RASSF3: variants seen among roughly 807,000 people sequenced by gnomAD.
RASSF3 encodes ras association domain-containing protein 3.
In RASSF3, 19 loss-of-function variants were observed where a neutral mutation model predicts 19.9. The ratio of observed to expected loss-of-function variants is 0.96; its 90% CI spans 0.67 to 1.40. RASSF3 has a LOEUF of 1.40. Ranked by LOEUF, RASSF3 falls within the 40% of genes most tolerant of loss-of-function variation. RASSF3 has a pLI of 0.00. For missense variants in RASSF3, 306 were observed against 289.8 expected, an observed-to-expected ratio of 1.06 and a Z score of -0.41; for synonymous variants, 110 against 104.2, an observed-to-expected ratio of 1.06 and a Z score of -0.34.
rs1341593399 is a variant in RASSF3, at chr12:64,688,296, A to C, written c.300A>C (p.Gly100=). ...CKPPQTSPNS[G]KLSPSSNGCM... is the part of the protein sequence containing the mutation. ...CTCCACAGACTTCTCCAAATTCTGGAAAACTCTCTCCCAGTAGCAATGGCT... is the reference window on the plus strand; with the variant it reads ...CTCCACAGACTTCTCCAAATTCTGGCAAACTCTCTCCCAGTAGCAATGGCT... The change falls in exon 3 of 5, where the codon GGA becomes GGC. Residue 100 remains glycine (G), a synonymous_variant. Transcript: ENST00000542104. 6.2e-7 allele frequency: 1 copy of C among 1,614,030 alleles called. No individual in the cohort carries two copies. Among genetic ancestry groups the C allele is most frequent in the Admixed American group, 1.7e-5 (1 of 59,998 alleles).
At chr12:64,650,706 C>T (rs916175744) in intron 1 of RASSF3, among the ~76,000 whole-genome samples, 2 of 151,988 alleles carry the variant, frequency 1.3e-5, no homozygotes, top group African/African-American at 2.4e-5. Context: ...TGAGCCACCG[C>T]GCCTGGCCGA....
intron 1 of RASSF3, among the ~76,000 whole-genome samples, chr12:64,641,400 G>GACACACACACACACACACA (rs1871512686): frequency 9.4e-6 from 1 of 106,814 alleles, no homozygotes; most frequent in Non-Finnish European, 2.3e-5. Flanking sequence ...TGTCTCACAG[G>GACACACACACACACACACA]CGCACACACA....
At chr12:64,672,546 T>G (rs1002195947) in intron 1 of RASSF3, among the ~76,000 whole-genome samples, 2 of 152,112 alleles carry the variant, frequency 1.3e-5, no homozygotes, top group Admixed American at 6.6e-5. Flanking sequence ...TTTTGAGAGA[T>G]AGGATCTTGC....
At chr12:64,676,773 T>C (rs1872921929) in intron 1 of RASSF3, among the ~76,000 whole-genome samples, 1 of 137,274 alleles carries the variant, frequency 7.3e-6, no homozygotes, top group Non-Finnish European at 1.6e-5. Flanking sequence ...ACCTGGCCAC[T>C]TTTTTTTTTT....
intron 3 of RASSF3, 120 bp from the exon 4 acceptor site, chr12:64,691,350 C>T (rs1868277086): frequency 1.6e-5 from 11 of 680,832 alleles, no homozygotes; most frequent in South Asian, 8.0e-5. Context: ...AGCCGACTGG[C>T]GACTTAGAGG....
At chr12:64,535,044 T>C (rs1202441995) in intron 1 of RASSF3, among the ~76,000 whole-genome samples, 1 of 151,764 alleles carries the variant, frequency 6.6e-6, no homozygotes, top group South Asian at 2.1e-4. Context: ...GCTGTGTCAT[T>C]GATGATAAAA....
At chr12:64,527,364 T>C (rs569642599) in intron 1 of RASSF3, among the ~76,000 whole-genome samples, 2 of 152,338 alleles carry the variant, frequency 1.3e-5, no homozygotes, top group African/African-American at 4.8e-5. Flanking sequence ...CGACAGTACC[T>C]ATTCCTTGGG....
chr12:64,579,643 G>C (rs1204913536), intron 2 of RASSF3, among the ~76,000 whole-genome samples: 2 of 151,966 alleles, frequency 1.3e-5, no homozygotes, highest in Non-Finnish European at 2.9e-5. Flanking sequence ...GAGCCACCGC[G>C]CCCGGCCAGC....
intron 1 of RASSF3, among the ~76,000 whole-genome samples, chr12:64,683,815 A>G (rs1374323598): frequency 6.6e-6 from 1 of 152,200 alleles, no homozygotes; most frequent in Admixed American, 6.5e-5. Flanking sequence ...TAGCAATGAC[A>G]GTTTTGCAGA....
intron 1 of RASSF3, among the ~76,000 whole-genome samples, chr12:64,673,251 A>T (rs771352548): frequency 6.6e-6 from 1 of 152,168 alleles, no homozygotes; most frequent in African/African-American, 2.4e-5. Flanking sequence ...CGCCTTGAAC[A>T]GTGAGATGTT....
At position 64,661,272 on chromosome 12, in the gene RASSF3, C is replaced by T. The variant is rs1281964072; in HGVS notation, c.112-23515C>T. On this transcript the variant is annotated intron_variant, in intron 1 of 4. Transcript: ENST00000542104. The stretch of plus-strand genomic sequence containing the variant: ...CTGTAATCCCAGCACTTTGGGAGGC[C>T]AAGGCGGGAGGATCACTTGAGCCCA... Among the ~76,000 whole-genome samples the T allele has an allele frequency of 2.0e-5, 3 of 152,046 alleles. No individual in the cohort carries two copies. The East Asian group carries it at 5.8e-4, about 29-fold the overall frequency.
At position 64,583,491 on chromosome 12, in the gene RASSF3, G is replaced by A. The variant is rs990138517; in HGVS notation, c.294+41786G>A. ...ACAAAAATTAGCCAGGCATGGTAGC[G>A]TGCGCCTGTAGTTCCAGCTACTTGG... On this transcript the variant is annotated intron_variant, in intron 2 of 5. Transcript: ENST00000637125. Among the ~76,000 whole-genome samples the A allele has an allele frequency of 5.5e-4, 83 of 152,152 alleles. 1 individual carries two copies. The highest frequency in any genetic ancestry group is 2.0e-4 in the Admixed American group (3 of 15,268).
intron 1 of RASSF3, among the ~76,000 whole-genome samples, chr12:64,638,845 C>T (rs921728107): frequency 1.3e-5 from 2 of 149,892 alleles, no homozygotes; most frequent in African/African-American, 2.5e-5. Flanking sequence ...TGTTCTAGTT[C>T]CTTCTTCTGA....
intron 1 of RASSF3, among the ~76,000 whole-genome samples, chr12:64,515,126 T>G (rs1179290967): frequency 2.0e-5 from 3 of 152,076 alleles, no homozygotes; most frequent in Non-Finnish European, 2.9e-5. Flanking sequence ...CTGCAATCTC[T>G]GCTCACTGCA....
At chr12:64,544,292 C>G (rs138603668), downstream of RASSF3, among the ~76,000 whole-genome samples, 158 of 152,226 alleles carry the variant, frequency 1.0e-3, no homozygotes, top group African/African-American at 3.7e-3. Context: ...CTCACACTCA[C>G]TTCGAAGGTC....
At chr12:64,602,376 C>G (rs569400889) in intron 2 of RASSF3, among the ~76,000 whole-genome samples, 1 of 150,660 alleles carries the variant, frequency 6.6e-6, no homozygotes, top group Non-Finnish European at 1.5e-5. Context: ...GTCAGGAGAT[C>G]GAGACCATCC....
intron 1 of RASSF3, among the ~76,000 whole-genome samples, chr12:64,651,311 G>A (rs181878609): frequency 2.6e-5 from 4 of 152,232 alleles, no homozygotes; most frequent in East Asian, 3.9e-4. Flanking sequence ...CTGGAGATGC[G>A]TATGTTAACA....
intron 1 of RASSF3, among the ~76,000 whole-genome samples, chr12:64,653,282 A>G (rs1816441339): frequency 6.6e-6 from 1 of 151,926 alleles, no homozygotes; most frequent in African/African-American, 2.4e-5. Context: ...ATCTCACTGT[A>G]TTGCCCTGGC....
intron 1 of RASSF3, among the ~76,000 whole-genome samples, chr12:64,678,661 AAAAACC>A (rs1873001164): frequency 6.6e-6 from 1 of 151,074 alleles, no homozygotes; most frequent in South Asian, 2.1e-4. Context: ...AAAAAAAAAA[AAAAACC>A]AAACAAAAAC....
Sources: allele counts gnomAD v4.1 joint callset (sites outside exome capture counted in the v4.1 genomes callset), GRCh38; gene constraint gnomAD v4.1.1; transcripts MANE v1.5; gene names NCBI Gene and HGNC (gene_info 2026-07-23, HGNC 2026-07-21).